The following ZDHHC14 variants were observed in gnomAD, a reference collection of about 807,000 sequenced individuals.
ZDHHC14 encodes the protein palmitoyltransferase ZDHHC14.
Under a neutral mutation model 47.7 loss-of-function variants are expected in ZDHHC14, and 16 were observed. The ratio of observed to expected loss-of-function variants is 0.34; its 90% CI spans 0.23 to 0.51. The LOEUF (loss-of-function observed/expected upper bound fraction) is 0.51. Ranked by LOEUF, ZDHHC14 falls within the 20% of genes least tolerant of loss-of-function variation. The probability of loss-of-function intolerance (pLI) is 0.97; values close to 1 mark genes in which losing one functional copy is unlikely to be tolerated. For synonymous variants in ZDHHC14, 293 were observed against 278.9 expected, an observed-to-expected ratio of 1.05 and a Z score of -0.50; for missense variants, 515 against 662.5, an observed-to-expected ratio of 0.78 and a Z score of 2.44.
At chr6:157,398,055 CCCCCAGCT>C (rs1289749618) in intron 1 of ZDHHC14, among the ~76,000 whole-genome samples, 13 of 150,246 alleles carry the variant, frequency 8.7e-5, no homozygotes, top group South Asian at 4.2e-4. Context: ...GCTCCCCAGC[CCCCCAGCT>C]CCCCAGCTCC....
intron 1 of ZDHHC14, among the ~76,000 whole-genome samples, chr6:157,525,214 G>T (rs139994513): frequency 0.02 from 2,972 of 152,280 alleles, 105 homozygotes; most frequent in African/African-American, 0.067. Context: ...AGACTAGAGT[G>T]CAGTGGCATG....
Position 157,661,539 on chromosome 6 carries a change from A to C in ZDHHC14, c.1068+7912A>C, listed in dbSNP as rs148206355. Among the ~76,000 whole-genome samples the C allele has an allele frequency of 1.2e-3, 178 of 152,340 alleles. 1 individual carries two copies. Among genetic ancestry groups the C allele is most frequent in the African/African-American group, 4.0e-3 (167 of 41,566 alleles). ...AACAACAGAATAAGATAATCCTGAA[A>C]GATGATGGAAGGAAAAGCTTTGCAA... On this transcript the variant is annotated intron_variant, in intron 8 of 8. Coordinates refer to ENST00000359775, the MANE Select transcript of ZDHHC14 (RefSeq NM_024630.3).
intron 3 of ZDHHC14, among the ~76,000 whole-genome samples, chr6:157,606,808 C>A (rs184055875): frequency 7.2e-5 from 11 of 152,298 alleles, no homozygotes; most frequent in Admixed American, 3.9e-4. Context: ...TTCAGGGGTC[C>A]ACGAACTTGG....
chr6:157,455,778 A>C (rs1029919424), intron 1 of ZDHHC14, among the ~76,000 whole-genome samples: 3 of 152,244 alleles, frequency 2.0e-5, no homozygotes, highest in Non-Finnish European at 2.9e-5. Flanking sequence ...TGTTAGAAGG[A>C]AAACGACTGT....
chr6:157,569,166 T>TA (rs1783011692), intron 2 of ZDHHC14, among the ~76,000 whole-genome samples: 2 of 151,966 alleles, frequency 1.3e-5, no homozygotes, highest in Non-Finnish European at 2.9e-5. Flanking sequence ...TCTAACCATA[T>TA]AAAAATTTAA....
chr6:157,650,651 A>AAG (rs66554628), intron 7 of ZDHHC14, among the ~76,000 whole-genome samples: 3 of 145,470 alleles, frequency 2.1e-5, no homozygotes, highest in Non-Finnish European at 3.1e-5. Context: ...TTAAAAAAAA[A>AAG]AGAGAGAGAG....
At chr6:157,611,827 T>C (rs1247553674) in intron 3 of ZDHHC14, among the ~76,000 whole-genome samples, 8 of 152,176 alleles carry the variant, frequency 5.3e-5, no homozygotes, top group Non-Finnish European at 1.2e-4. Context: ...CTCCGTCCCT[T>C]TTGTGTGTGT....
intron 1 of ZDHHC14, among the ~76,000 whole-genome samples, chr6:157,461,600 G>A (rs1031668989): frequency 2.6e-5 from 4 of 152,176 alleles, no homozygotes; most frequent in Admixed American, 2.0e-4. Context: ...TGTAACAGCA[G>A]CTACACCTTG....
intron 1 of ZDHHC14, among the ~76,000 whole-genome samples, chr6:157,433,022 G>C (rs1045438699): frequency 6.6e-6 from 1 of 152,238 alleles, no homozygotes; most frequent in Non-Finnish European, 1.5e-5. Context: ...TGCTGCCGTC[G>C]CCATGGGGCT....
At chr6:157,665,594 A>G (rs1228423303) in intron 8 of ZDHHC14, among the ~76,000 whole-genome samples, 1 of 152,216 alleles carries the variant, frequency 6.6e-6, no homozygotes, top group Admixed American at 6.5e-5. Flanking sequence ...GAAATATGCA[A>G]TACTTTAGAA....
chr6:157,668,731 G>C (rs575695960), intron 8 of ZDHHC14, among the ~76,000 whole-genome samples: 94 of 152,098 alleles, frequency 6.2e-4, no homozygotes, highest in African/African-American at 2.2e-3. Flanking sequence ...AAATTAAATG[G>C]CTTAGGCTAA....
chr6:157,437,894 G>T (rs1037723960), intron 1 of ZDHHC14, among the ~76,000 whole-genome samples: 3 of 151,348 alleles, frequency 2.0e-5, no homozygotes, highest in Non-Finnish European at 2.9e-5. Flanking sequence ...GTATTTACAT[G>T]GGATGGTAGA....
At chr6:157,480,545 G>A (rs564559160) in intron 1 of ZDHHC14, among the ~76,000 whole-genome samples, 1 of 152,348 alleles carries the variant, frequency 6.6e-6, no homozygotes, top group East Asian at 1.9e-4. Flanking sequence ...AGGATTACAG[G>A]CGTGAGTCAC....
At chr6:157,402,239 C>T (rs967613415) in intron 1 of ZDHHC14, among the ~76,000 whole-genome samples, 2 of 151,034 alleles carry the variant, frequency 1.3e-5, no homozygotes, top group East Asian at 3.9e-4. Context: ...GAGATGAGCA[C>T]CTGCTGAGGT....
intron 2 of ZDHHC14, among the ~76,000 whole-genome samples, chr6:157,577,471 A>G (rs923198303): frequency 6.6e-6 from 1 of 151,800 alleles, no homozygotes; most frequent in African/African-American, 2.4e-5. Context: ...ACTAATTTAC[A>G]CTCCCACCAA....
At chr6:157,394,230 C>CT (rs1407578907) in intron 1 of ZDHHC14, among the ~76,000 whole-genome samples, 1 of 152,228 alleles carries the variant, frequency 6.6e-6, no homozygotes, top group Middle Eastern at 3.2e-3. Flanking sequence ...TTCTTCCTCT[C>CT]TGTGTCTGTA....
intron 2 of ZDHHC14, among the ~76,000 whole-genome samples, chr6:157,591,075 T>C (rs1241386043): frequency 6.6e-6 from 1 of 152,278 alleles, no homozygotes; most frequent in African/African-American, 2.4e-5. Context: ...ACCCAGTGCC[T>C]GTACCCCCAT....
At chr6:157,445,136 A>ACACAC (rs1778636538) in intron 1 of ZDHHC14, among the ~76,000 whole-genome samples, 1 of 146,556 alleles carries the variant, frequency 6.8e-6, no homozygotes, top group Non-Finnish European at 1.5e-5. Flanking sequence ...ACACACACAC[A>ACACAC]CACACACACT....
chr6:157,571,678 C>T (rs1480337936), intron 2 of ZDHHC14, among the ~76,000 whole-genome samples: 1 of 151,568 alleles, frequency 6.6e-6, no homozygotes, highest in Non-Finnish European at 1.5e-5. Flanking sequence ...GTATGGTGTA[C>T]AAACCTGTCT....
Sources: allele counts gnomAD v4.1 joint callset (sites outside exome capture counted in the v4.1 genomes callset), GRCh38; gene constraint gnomAD v4.1.1; transcripts MANE v1.5; gene names NCBI Gene and HGNC (gene_info 2026-07-23, HGNC 2026-07-21).